The following FAM193A variants were observed in gnomAD, a reference collection of about 807,000 sequenced individuals.
The protein encoded by FAM193A is family with sequence similarity 193 member A.
Under a neutral mutation model 126.5 loss-of-function variants are expected in FAM193A, and 22 were observed. The observed-to-expected ratio is 0.17, with a 90% CI of 0.12 to 0.25. The LOEUF is 0.25. Among genes scored for constraint, FAM193A ranks in the 10% least tolerant of loss-of-function variants. The pLI is 1.00. For missense variants in FAM193A, 1,675 were observed against 1,672.8 expected, an observed-to-expected ratio of 1.00 and a Z score of -0.02; for synonymous variants, 761 against 646.8, an observed-to-expected ratio of 1.18 and a Z score of -2.68.
chr4:2,541,305 C>G (rs1294847477), intron 1 of FAM193A, among the ~76,000 whole-genome samples: 4 of 152,006 alleles, frequency 2.6e-5, no homozygotes, highest in Admixed American at 2.6e-4. Flanking sequence ...GCACTCCAGC[C>G]TGGGCAACAA....
rs1744429638 is a variant in FAM193A, at chr4:2,639,732, C to A, written c.1039-3C>A. ...TGTTTATCTTTTACTTTTTCTTAACCAGGAAAATGAACACTTGAAAAAGTT... is the reference window on the plus strand; with the variant it reads ...TGTTTATCTTTTACTTTTTCTTAACAAGGAAAATGAACACTTGAAAAAGTT... On this transcript the variant is annotated splice_polypyrimidine_tract_variant and splice_region_variant and intron_variant, in intron 5 of 20. Transcript: ENST00000637812. 4 of 1,604,868 alleles carry A rather than the reference C, an allele frequency of 2.5e-6. No homozygotes were observed. The highest frequency in any genetic ancestry group is 3.4e-6 in the Non-Finnish European group (4 of 1,175,224).
Position 2,659,998 on chromosome 4 carries a change from C to T in FAM193A, c.1689C>T (p.Ile563=). 6.2e-7 allele frequency: 1 copy of T among 1,614,174 alleles called. No individual in the cohort carries two copies. Among genetic ancestry groups the T allele is most frequent in the Non-Finnish European group, 8.5e-7 (1 of 1,180,030 alleles). ...CGGGGTCCGGCTCCAGCTCTCCCAT[C>T]ACAATTCAGCAGCACCCCAGGCTCA... The part of the protein sequence containing the change: ...ASSGSGSSSP[I]TIQQHPRLIL... The change falls in exon 10 of 21, where the codon ATC becomes ATT. Residue 563 remains isoleucine (I), a synonymous_variant. Coordinates refer to ENST00000637812, the MANE Select transcript of FAM193A (RefSeq NM_001366318.2).
rs144443049 is a variant in FAM193A at position 2,726,869 on chromosome 4, G to A, written c.4455-4906G>A. Among the ~76,000 whole-genome samples the A allele has an allele frequency of 4.2e-3, 592 of 140,784 alleles. 1 individual carries two copies. The highest frequency in any genetic ancestry group is 0.015 in the African/African-American group (566 of 38,048). 92.4% of individuals were successfully genotyped at this position (140,784 alleles called of 152,430 possible). Reference sequence around the variant, plus strand: ...GGAGTCTGAGGCAGGAGAATCTCTTGAACCCAGGAAGAGGAGGTTGTAGTG... The same window carrying A: ...GGAGTCTGAGGCAGGAGAATCTCTTAAACCCAGGAAGAGGAGGTTGTAGTG... On this transcript the variant is annotated intron_variant, in intron 20 of 20. Transcript: ENST00000637812.
chr4:2,595,723 C>T (rs1323241240), intron 1 of FAM193A, among the ~76,000 whole-genome samples: 1 of 152,182 alleles, frequency 6.6e-6, no homozygotes, highest in East Asian at 1.9e-4. Flanking sequence ...CCCTGGTGTG[C>T]AGATGCCTCT....
chr4:2,646,400 G>C (rs923152228), intron 6 of FAM193A, among the ~76,000 whole-genome samples: 1 of 151,800 alleles, frequency 6.6e-6, no homozygotes, highest in African/African-American at 2.4e-5. Flanking sequence ...TCGATCTCCC[G>C]ACCTCAGGTG....
At chr4:2,715,992 T>G in intron 19 of FAM193A, 31 bp from the exon 20 acceptor site, 1 of 1,260,258 alleles carries the variant, frequency 7.9e-7, no homozygotes, top group Non-Finnish European at 1.2e-6. Flanking sequence ...GCTGCTGTAA[T>G]TTGACTTGCT....
chr4:2,600,721 G>A (rs1039773975), intron 2 of FAM193A, among the ~76,000 whole-genome samples: 1 of 152,072 alleles, frequency 6.6e-6, no homozygotes, highest in Non-Finnish European at 1.5e-5. Flanking sequence ...GGGCTTTCAG[G>A]TGCCCATCTG....
chr4:2,573,918 A>G (rs909703087), intron 1 of FAM193A, among the ~76,000 whole-genome samples: 1 of 152,152 alleles, frequency 6.6e-6, no homozygotes, highest in Non-Finnish European at 1.5e-5. Flanking sequence ...AAACAGTACA[A>G]AGGCCTCGTC....
chr4:2,725,450 CAAAAAAAAAAAA>C (rs71644355), intron 20 of FAM193A, among the ~76,000 whole-genome samples: 5 of 31,766 alleles, frequency 1.6e-4, no homozygotes, highest in South Asian at 1.2e-3. Context: ...ACCCTGTCTC[CAAAAAAAAAAAA>C]AAAAAAAAAA....
At chr4:2,580,945 C>G (rs567125183) in intron 1 of FAM193A, among the ~76,000 whole-genome samples, 3 of 152,132 alleles carry the variant, frequency 2.0e-5, no homozygotes, top group Non-Finnish European at 4.4e-5. Flanking sequence ...CTGGCTAACA[C>G]GGTGAAACCC....
chr4:2,585,982 G>T (rs547923733), intron 1 of FAM193A, among the ~76,000 whole-genome samples: 2 of 152,182 alleles, frequency 1.3e-5, no homozygotes, highest in South Asian at 2.1e-4. Context: ...GGTGGCTCAT[G>T]CCTGTAATCT....
At chr4:2,634,587 A>G (rs1011478342) in intron 5 of FAM193A, among the ~76,000 whole-genome samples, 3 of 152,236 alleles carry the variant, frequency 2.0e-5, no homozygotes, top group African/African-American at 4.8e-5. Flanking sequence ...GGAGTTAAGG[A>G]TTAATACTCT....
chr4:2,732,010 G>A lies in FAM193A; in HGVS notation c.*142G>A, dbSNP rs1022140991. The A allele has an allele frequency of 4.2e-6, 3 of 709,388 alleles. No homozygotes were observed. In the South Asian group the frequency reaches 4.7e-5, roughly 11 times the overall value. The allele number at this position is 709,388 out of a possible 1,614,324, so 43.9% of individuals were successfully genotyped here. On this transcript the variant is annotated 3_prime_UTR_variant, in exon 21 of 21. Transcript: ENST00000637812. ...GGTGCTGCCTGAAACCCCAGACCGA[G>A]AAGTTGATGCTCGGCCCACGCCGTT...
chr4:2,605,772 G>A (rs961770831), intron 2 of FAM193A, among the ~76,000 whole-genome samples: 2 of 152,058 alleles, frequency 1.3e-5, no homozygotes, highest in African/African-American at 2.4e-5. Context: ...AGGAGTTCGA[G>A]ACCAGCCTGG....
intron 2 of FAM193A, among the ~76,000 whole-genome samples, chr4:2,624,818 A>G (rs2108974934): frequency 6.6e-6 from 1 of 152,338 alleles, no homozygotes; most frequent in East Asian, 1.9e-4. Flanking sequence ...GTGGGATTAC[A>G]GGCGTGAACC....
chr4:2,665,775 TTTCAGCCTCCCAAAG>T (rs1173882253), intron 12 of FAM193A, among the ~76,000 whole-genome samples: 1 of 152,164 alleles, frequency 6.6e-6, no homozygotes, highest in African/African-American at 2.4e-5. Flanking sequence ...CATCCTCCCA[TTTCAGCCTCCCAAAG>T]TTTTAGGAGT....
At chr4:2,550,934 G>A (rs1737883802) in intron 1 of FAM193A, among the ~76,000 whole-genome samples, 1 of 152,054 alleles carries the variant, frequency 6.6e-6, no homozygotes, top group Middle Eastern at 3.4e-3. Context: ...CCAAGTAGCT[G>A]GGACTGCAGG....
chr4:2,546,812 CATT>C (rs780305635), intron 1 of FAM193A, among the ~76,000 whole-genome samples: 111 of 152,260 alleles, frequency 7.3e-4, no homozygotes, highest in Admixed American at 3.9e-3. Flanking sequence ...CATATGGTAA[CATT>C]ATGTGAAACC....
intron 10 of FAM193A, 109 bp from the exon 11 acceptor site, chr4:2,662,729 G>T: frequency 1.3e-6 from 1 of 763,264 alleles, no homozygotes. Flanking sequence ...AATACTCTTT[G>T]TAAATGAAAG....
Sources: allele counts gnomAD v4.1 joint callset (sites outside exome capture counted in the v4.1 genomes callset), GRCh38; gene constraint gnomAD v4.1.1; transcripts MANE v1.5; gene names NCBI Gene and HGNC (gene_info 2026-07-23, HGNC 2026-07-21).